The following ZFY variants were observed in gnomAD, a reference collection of about 807,000 sequenced individuals.
ZFY encodes the protein zinc finger Y-chromosomal protein.
For synonymous variants in ZFY, 47 were observed against 55.8 expected, an observed-to-expected ratio of 0.84 and a Z score of 0.71; for missense variants, 113 against 170.9, an observed-to-expected ratio of 0.66 and a Z score of 1.89.
At chrY:2,937,849 C>G (rs942319741) in intron 1 of ZFY, among the ~76,000 whole-genome samples, 1 of 32,878 alleles carries the variant, frequency 3.0e-5, no homozygotes, top group Non-Finnish European at 7.4e-5. Flanking sequence ...TAGACTTTTA[C>G]TAAATAAAAC....
intron 1 of ZFY, among the ~76,000 whole-genome samples, chrY:2,936,594 T>G (rs1034457235): frequency 2.9e-5 from 1 of 34,153 alleles, no homozygotes; most frequent in South Asian, 6.4e-4. Flanking sequence ...TTAGTCCGTG[T>G]ACTTTTTTTG....
chrY:2,951,817 G>A, intron 1 of ZFY, among the ~76,000 whole-genome samples: 2 of 32,851 alleles, frequency 6.1e-5, no homozygotes, highest in Non-Finnish European at 1.5e-4. Flanking sequence ...CAAAGAGGTA[G>A]GAGGGAGTTT....
In ZFY at chrY:2,979,507, C is replaced by T. The variant is rs761182517; in HGVS notation, c.1920C>T (p.Asn640=). Residue 640 remains asparagine (N), a synonymous_variant, in exon 8 of 8, where the codon AAC becomes AAT. Transcript: ENST00000155093. ...QCLHCDHKSS[N]SSDLKRHVIS... ...TGCATTGCGACCACAAGAGTTCAAA[C>T]TCAAGTGATTTGAAACGACATGTAA... 7.5e-6 allele frequency: 3 copies of T among 398,502 alleles called. No homozygotes were observed. The highest frequency in any genetic ancestry group is 1.1e-5 in the Non-Finnish European group (3 of 283,478).
chrY:2,975,738 A>G, intron 5 of ZFY, 84 bp downstream of exon 5: 1 of 237,448 alleles, frequency 4.2e-6, no homozygotes, highest in Non-Finnish European at 6.6e-6. Flanking sequence ...ATAGATATAC[A>G]TGTGCCATGG....
intron 3 of ZFY, among the ~76,000 whole-genome samples, chrY:2,971,272 C>A: frequency 3.0e-5 from 1 of 33,386 alleles, no homozygotes; most frequent in Non-Finnish European, 7.4e-5. Context: ...GAGTAGGATA[C>A]CTTGAAGTCT....
intron 5 of ZFY, 97 bp downstream of exon 5, chrY:2,975,751 G>A: frequency 4.8e-6 from 1 of 209,771 alleles, no homozygotes; most frequent in East Asian, 1.1e-4. Context: ...TGCCATGGTG[G>A]TTTGCTGCAC....
At chrY:2,962,932 T>C in intron 3 of ZFY, among the ~76,000 whole-genome samples, 1 of 33,013 alleles carries the variant, frequency 3.0e-5, no homozygotes, top group Non-Finnish European at 7.4e-5. Context: ...ATTTCAATTT[T>C]TTTTTTGCTA....
intron 1 of ZFY, among the ~76,000 whole-genome samples, chrY:2,936,149 A>G: frequency 3.0e-5 from 1 of 33,731 alleles, no homozygotes; most frequent in African/African-American, 1.2e-4. Flanking sequence ...GGCTGGGTGC[A>G]GTGTCGGCTA....
rs747768065 is a variant in ZFY, at chrY:2,947,489, T to A, written c.-28-6420T>A. ...ATAGCTTCCGAGCTTACAGTTGTGT[T>A]TTTCTTTCTACAGTTATAATTTCTT... On this transcript the variant is annotated intron_variant, in intron 1 of 7. Coordinates refer to ENST00000155093, the MANE Select transcript of ZFY (RefSeq NM_003411.4). Among the ~76,000 whole-genome samples, 3 of 34,232 alleles carry A rather than the reference T, an allele frequency of 8.8e-5. No homozygotes were observed. The East Asian group carries it at 2.2e-3, about 25-fold the overall frequency. 91.8% of individuals were successfully genotyped at this position (34,232 alleles called of 37,273 possible).
At chrY:2,942,945 A>G (rs2051249691) in intron 1 of ZFY, among the ~76,000 whole-genome samples, 1 of 33,653 alleles carries the variant, frequency 3.0e-5, no homozygotes, top group South Asian at 6.5e-4. Flanking sequence ...ATGTTGTGTG[A>G]CTTTTGTTGC....
chrY:2,972,058 CAAAAAAA>C (rs771756819), intron 3 of ZFY, among the ~76,000 whole-genome samples: 1 of 7,038 alleles, frequency 1.4e-4, no homozygotes, highest in Admixed American at 1.8e-3. Context: ...ACTCCTATCT[CAAAAAAA>C]AAAAAAAAAA....
chrY:2,939,017 ATAT>A (rs2051230909), intron 1 of ZFY, among the ~76,000 whole-genome samples: 1 of 19,846 alleles, frequency 5.0e-5, no homozygotes, highest in Non-Finnish European at 1.2e-4. Flanking sequence ...ATATATATAT[ATAT>A]ATAAATAAAT....
chrY:2,956,206 T>C (rs970262117), intron 2 of ZFY, among the ~76,000 whole-genome samples: 2 of 32,781 alleles, frequency 6.1e-5, no homozygotes, highest in Non-Finnish European at 1.5e-4. Flanking sequence ...TCTCTCTAAA[T>C]CAGCGTTCCC....
At chrY:2,968,768 A>T (rs2124511050) in intron 3 of ZFY, among the ~76,000 whole-genome samples, 2 of 34,024 alleles carry the variant, frequency 5.9e-5, no homozygotes, top group Non-Finnish European at 1.5e-4. Context: ...ATTGAATGTT[A>T]GATAGTTACT....
chrY:2,973,241 C>G (rs2051353986), intron 3 of ZFY, among the ~76,000 whole-genome samples: 4 of 32,155 alleles, frequency 1.2e-4, no homozygotes, highest in Admixed American at 1.2e-3. Context: ...TTTGTATTTT[C>G]AGTAGAAAAC....
chrY:2,974,802 T>C (rs2051360670), intron 3 of ZFY, among the ~76,000 whole-genome samples: 1 of 33,051 alleles, frequency 3.0e-5, no homozygotes, highest in Non-Finnish European at 7.4e-5. Flanking sequence ...ATAAAAAAAT[T>C]AGCTGAGCAT....
Position 2,975,188 on chromosome Y carries a change from G to C in ZFY, c.728G>C (p.Cys243Ser). ...GATCCTTGTAAAGTGGATAGCACTT[G>C]TCCTGAAGTCATCAAGGTGTACATT... ...EMDPCKVDST[C>S]PEVIKVYIFK... Residue 243 changes from cysteine to serine, a missense_variant, in exon 4 of 8, where the codon TGT (cysteine) becomes TCT (serine). Cys to Ser is a moderately radical substitution (Grantham distance 112). Transcript: ENST00000155093. 1 of 398,324 alleles carries C rather than the reference G, an allele frequency of 2.5e-6. No individual in the cohort carries two copies. Among genetic ancestry groups the C allele is most frequent in the Non-Finnish European group, 3.5e-6 (1 of 283,276 alleles).
chrY:2,959,227 A>AT (rs2051301410), intron 2 of ZFY, among the ~76,000 whole-genome samples: 1 of 33,471 alleles, frequency 3.0e-5, no homozygotes, highest in Non-Finnish European at 7.4e-5. Context: ...TTGAAATGGT[A>AT]TTTTTTTTAA....
Position 2,980,150 on chromosome Y carries a change from C to T in ZFY, c.*157C>T. ...ACTTTTCTTTACATTTTATTCAATACGCTGTCCTGAATCCTATTCAGTTTC... is the reference window on the plus strand; with the variant it reads ...ACTTTTCTTTACATTTTATTCAATATGCTGTCCTGAATCCTATTCAGTTTC... On this transcript the variant is annotated 3_prime_UTR_variant, in exon 8 of 8. Coordinates refer to ENST00000155093, the MANE Select transcript of ZFY (RefSeq NM_003411.4). The T allele has an allele frequency of 5.5e-6, 1 of 180,783 alleles. No individual in the cohort carries two copies. Among genetic ancestry groups the T allele is most frequent in the South Asian group, 4.4e-5 (1 of 22,677 alleles). The allele number at this position is 180,783 out of a possible 400,897, so 45.1% of individuals were successfully genotyped here.
Sources: gnomAD v4.1 joint callset for allele counts (sites outside exome capture counted in the v4.1 genomes callset) on GRCh38, gnomAD v4.1.1 for gene constraint, MANE v1.5 for transcripts, NCBI Gene and HGNC (gene_info 2026-07-23, HGNC 2026-07-21) for gene names.